Variants in COL26A1 observed in about 807,000 individuals in gnomAD.
COL26A1 encodes collagen type XXVI alpha 1 chain.
In COL26A1, 41 loss-of-function variants were observed where a neutral mutation model predicts 59.3. The ratio of observed to expected loss-of-function variants is 0.69; its 90% CI spans 0.54 to 0.90. The LOEUF (loss-of-function observed/expected upper bound fraction) is 0.90, where lower values mean the gene tolerates loss of function less well. Among genes scored for constraint, COL26A1 ranks in the 40% least tolerant of loss-of-function variants. The pLI is 0.00. For missense variants in COL26A1, 612 were observed against 602.3 expected (o/e 1.02, Z -0.17); for synonymous variants, 266 against 256.0 (o/e 1.04, Z -0.37).
rs376299710 is a variant in COL26A1, at chr7:101,545,493, G to A, written c.856+3G>A. The A allele has an allele frequency of 1.0e-4, 164 of 1,601,682 alleles. No individual in the cohort carries two copies. Among genetic ancestry groups the A allele is most frequent in the Non-Finnish European group, 1.4e-4 (162 of 1,175,830 alleles). On this transcript the variant is annotated splice_donor_region_variant and intron_variant, in intron 7 of 12. Transcript: ENST00000313669. ...GCAGCCGCCTACAGACAAAGACAGT[G>A]AGTAATGCCCCTGGGGGGCCAAGGG...
intron 4 of COL26A1, among the ~76,000 whole-genome samples, chr7:101,534,692 A>C (rs924500105): frequency 6.6e-6 from 1 of 152,110 alleles, no homozygotes; most frequent in African/African-American, 2.4e-5. Flanking sequence ...ACAACTGTGC[A>C]CACATTAACA....
intron 3 of COL26A1, among the ~76,000 whole-genome samples, chr7:101,450,970 T>C (rs1416147730): frequency 1.6e-5 from 2 of 128,996 alleles, no homozygotes; most frequent in East Asian, 5.5e-4. Context: ...TAATAAATAT[T>C]ATCAAATAAA....
Position 101,539,934 on chromosome 7 carries a change from C to A in COL26A1, c.489C>A (p.Asp163Glu), listed in dbSNP as rs576294293. 2 of 1,613,566 alleles carry A rather than the reference C, an allele frequency of 1.2e-6. No individual in the cohort carries two copies. Among genetic ancestry groups the A allele is most frequent in the Admixed American group, 3.3e-5 (2 of 59,954 alleles). Residue 163 changes from aspartate to glutamate, a missense_variant, in exon 5 of 13, where the codon GAC becomes GAA. Asp to Glu is a conservative substitution (Grantham distance 45, BLOSUM62 2). Coordinates refer to ENST00000313669, the MANE Select transcript of COL26A1 (RefSeq NM_001278563.3). ...CAGCAGAACGGCCCTCCAGCCCGGA[C>A]AACGACCTGCCAGCCCCCGAGAGCA... ...LEAAERPSSP[D>E]NDLPAPESTP...
chr7:101,429,514 A>G (rs1792726491), intron 2 of COL26A1, among the ~76,000 whole-genome samples: 1 of 149,570 alleles, frequency 6.7e-6, no homozygotes, highest in African/African-American at 2.5e-5. Flanking sequence ...CTTGATTACT[A>G]TGGCTATATA....
intron 3 of COL26A1, among the ~76,000 whole-genome samples, chr7:101,528,044 T>G (rs1424860340): frequency 6.6e-6 from 1 of 152,202 alleles, no homozygotes; most frequent in East Asian, 1.9e-4. Flanking sequence ...CGTCCGGTTC[T>G]GGAGCGCCTG....
At chr7:101,484,204 G>C (rs1794220205) in intron 3 of COL26A1, among the ~76,000 whole-genome samples, 1 of 152,036 alleles carries the variant, frequency 6.6e-6, no homozygotes, top group Non-Finnish European at 1.5e-5. Context: ...GCCTGGTTCA[G>C]GTCTTACATT....
intron 1 of COL26A1, among the ~76,000 whole-genome samples, chr7:101,369,770 G>A (rs990950658): frequency 5.3e-5 from 8 of 152,036 alleles, no homozygotes; most frequent in Non-Finnish European, 1.0e-4. Flanking sequence ...GCTAGATAGC[G>A]TCAAGTTTCC....
At chr7:101,369,609 C>T (rs34627801) in intron 1 of COL26A1, among the ~76,000 whole-genome samples, 30,222 of 150,306 alleles carry the variant, frequency 0.2, 3,368 homozygotes, top group Non-Finnish European at 0.25. Context: ...CCACCACACC[C>T]GGCTAATATT....
intron 8 of COL26A1, 108 bp downstream of exon 8, chr7:101,547,347 C>T (rs1442640623): frequency 3.1e-6 from 2 of 650,872 alleles, no homozygotes; most frequent in East Asian, 6.1e-5. Context: ...TCCATGGCTT[C>T]TGGGCAATGC....
intron 1 of COL26A1, among the ~76,000 whole-genome samples, chr7:101,403,834 G>A (rs956767571): frequency 6.6e-6 from 1 of 152,184 alleles, no homozygotes; most frequent in African/African-American, 2.4e-5. Flanking sequence ...GGTGGCTCAC[G>A]CCTGTAATCC....
intron 1 of COL26A1, among the ~76,000 whole-genome samples, chr7:101,386,270 T>G (rs28520745): frequency 3.7e-5 from 5 of 134,766 alleles, no homozygotes; most frequent in African/African-American, 3.4e-5. Flanking sequence ...TTTTTTTTTT[T>G]TTTTTTTTTT....
At chr7:101,556,815 TG>T (rs1388858866) in intron 12 of COL26A1, among the ~76,000 whole-genome samples, 1 of 151,844 alleles carries the variant, frequency 6.6e-6, no homozygotes, top group Non-Finnish European at 1.5e-5. Context: ...AGTGAGTGAA[TG>T]GATGGATGGA....
chr7:101,475,161 A>G (rs933371863), intron 3 of COL26A1, among the ~76,000 whole-genome samples: 3 of 151,236 alleles, frequency 2.0e-5, no homozygotes, highest in African/African-American at 7.4e-5. Context: ...GCGCCACTGC[A>G]CTCCAGCCTG....
Position 101,483,201 on chromosome 7 carries a change from T to C in COL26A1, c.385+35414T>C, listed in dbSNP as rs1230719586. ...CAAAATAGAAAGAAAGAAATTAGCT[T>C]TTTTTTTTTTTCTGGAGACAGAGTC... On this transcript the variant is annotated intron_variant, in intron 3 of 12. Transcript: ENST00000313669. Among the ~76,000 whole-genome samples the C allele has an allele frequency of 2.0e-5, 3 of 148,748 alleles. No homozygotes were observed. The East Asian group carries it at 5.9e-4, about 29-fold the overall frequency.
Position 101,549,210 on chromosome 7 carries a change from C to T in COL26A1, c.980C>T (p.Thr327Ile), listed in dbSNP as rs2130676142. 1 of 1,605,568 alleles carries T rather than the reference C, an allele frequency of 6.2e-7. No individual in the cohort carries two copies. Reference sequence around the variant, plus strand: ...CGAGGTCCCCCAGGACCCCCAGGAACACCTGGATCCCAGGTAAGGACTTTG... The same window carrying T: ...CGAGGTCCCCCAGGACCCCCAGGAATACCTGGATCCCAGGTAAGGACTTTG... ...GPRGPPGPPGTPGSQGLAGER... is the reference protein window; with the variant it reads ...GPRGPPGPPGIPGSQGLAGER... Residue 327 changes from threonine to isoleucine, a missense_variant, in exon 9 of 13, where the codon ACA (threonine) becomes ATA (isoleucine). Thr to Ile is a moderately conservative substitution (Grantham distance 89). Transcript: ENST00000313669.
intron 2 of COL26A1, among the ~76,000 whole-genome samples, chr7:101,445,371 G>A (rs1459254396): frequency 6.6e-6 from 1 of 151,890 alleles, no homozygotes; most frequent in Non-Finnish European, 1.5e-5. Context: ...CATGGTGCCG[G>A]CATCTCCTTG....
chr7:101,363,370 GA>G (rs1465476195), intron 1 of COL26A1, among the ~76,000 whole-genome samples, 180 bp downstream of exon 1: 12 of 148,476 alleles, frequency 8.1e-5, no homozygotes, highest in Non-Finnish European at 1.6e-4. Context: ...ACGAGAGCTG[GA>G]GGGGGTTGGG....
intron 1 of COL26A1, among the ~76,000 whole-genome samples, chr7:101,384,329 G>A (rs777336973): frequency 4.0e-5 from 6 of 148,504 alleles, no homozygotes; most frequent in African/African-American, 1.0e-4. Context: ...CTCCGCCTCC[G>A]GGGTTCAAAC....
At chr7:101,434,694 A>AGTC (rs897773956) in intron 2 of COL26A1, among the ~76,000 whole-genome samples, 1 of 152,196 alleles carries the variant, frequency 6.6e-6, no homozygotes, top group Non-Finnish European at 1.5e-5. Flanking sequence ...CAGGGTGCCC[A>AGTC]GTCAACAGCA....
Sources: gnomAD v4.1 joint callset for allele counts (sites outside exome capture counted in the v4.1 genomes callset) on GRCh38, gnomAD v4.1.1 for gene constraint, MANE v1.5 for transcripts, NCBI Gene and HGNC (gene_info 2026-07-23, HGNC 2026-07-21) for gene names.